WT1: variants seen among roughly 807,000 people sequenced by gnomAD.
WT1 encodes the protein WT1 transcription factor.
A neutral mutation model predicts 60.8 loss-of-function variants in WT1; 8 were observed. That is an observed-to-expected ratio of 0.13 (90% CI 0.08 to 0.24). The LOEUF (loss-of-function observed/expected upper bound fraction) is 0.24. Ranked by LOEUF, WT1 falls within the 10% of genes least tolerant of loss-of-function variation. The pLI is 1.00. For synonymous variants in WT1, 312 were observed against 297.1 expected (o/e 1.05, Z -0.52); for missense variants, 568 against 711.8 (o/e 0.80, Z 2.30).
chr11:32,430,403 A>C, intron 1 of WT1: 1 of 1,371,290 alleles, frequency 7.3e-7, no homozygotes, highest in Non-Finnish European at 9.9e-7. Flanking sequence ...AGGACACTAA[A>C]AAGAGAGAGA....
chr11:32,421,860 A>C (rs540045593), intron 3 of WT1, among the ~76,000 whole-genome samples: 12 of 152,368 alleles, frequency 7.9e-5, no homozygotes, highest in Admixed American at 5.9e-4. Context: ...GAATAGAACC[A>C]TCTAACCTGG....
chr11:32,396,573 T>A (rs542298033), intron 6 of WT1, among the ~76,000 whole-genome samples, 166 bp from the exon 7 acceptor site: 27 of 152,340 alleles, frequency 1.8e-4, no homozygotes, highest in African/African-American at 6.5e-4. Flanking sequence ...ACATCAGTAA[T>A]GGATGCTAGA....
chr11:32,397,358 C>T (rs950673125), intron 6 of WT1, among the ~76,000 whole-genome samples: 2 of 152,132 alleles, frequency 1.3e-5, no homozygotes, highest in African/African-American at 4.8e-5. Context: ...ATTCTGTTGT[C>T]CAGGCTGGAG....
intron 2 of WT1, 82 bp downstream of exon 2, chr11:32,428,415 G>A: frequency 6.2e-7 from 1 of 1,604,174 alleles, no homozygotes; most frequent in Non-Finnish European, 8.5e-7. Flanking sequence ...TGCCTAATTT[G>A]CTGTGGGTTA....
At chr11:32,433,856 A>G (rs1590407192) in intron 1 of WT1, among the ~76,000 whole-genome samples, 1 of 152,348 alleles carries the variant, frequency 6.6e-6, no homozygotes, top group South Asian at 2.1e-4. Flanking sequence ...GTCTTGAAGA[A>G]ATACTGTCCC....
chr11:32,433,485 T>C (rs1853377115), intron 1 of WT1, among the ~76,000 whole-genome samples: 1 of 152,178 alleles, frequency 6.6e-6, no homozygotes, highest in African/African-American at 2.4e-5. Flanking sequence ...TGGGCGAAGG[T>C]ACCTCCTGCA....
At chr11:32,392,143 T>C (rs1851836777) in intron 8 of WT1, 79 bp from the exon 9 acceptor site, 2 of 1,300,614 alleles carry the variant, frequency 1.5e-6, no homozygotes, top group Middle Eastern at 2.4e-4. Flanking sequence ...TTCCGGCAGC[T>C]GGAGGAGCCC....
At chr11:32,425,766 T>A (rs1055030265) in intron 3 of WT1, among the ~76,000 whole-genome samples, 3 of 152,166 alleles carry the variant, frequency 2.0e-5, no homozygotes, top group African/African-American at 7.2e-5. Flanking sequence ...TTTTATTGGA[T>A]TTGTGTAAAA....
Position 32,400,063 on chromosome 11 carries a change from G to T in WT1, c.1017-19C>A. 6.2e-7 allele frequency: 1 copy of T among 1,613,774 alleles called. No individual in the cohort carries two copies. The highest frequency in any genetic ancestry group is 1.3e-5 in the African/African-American group (1 of 75,030). The stretch of plus-strand genomic sequence containing the variant: ...GCTGTGGCTGCAAACACAAAGAAGG[G>T]AAAAAGGCTCAGTGTGGCTCACAGT... On this transcript the variant is annotated intron_variant, in intron 5 of 9. Coordinates refer to ENST00000452863, the MANE Select transcript of WT1 (RefSeq NM_024426.6).
In WT1 at chr11:32,417,559, G is replaced by A. The variant is rs1852715405; in HGVS notation, c.965+18C>T. The A allele has an allele frequency of 6.2e-7, 1 of 1,607,924 alleles. No individual in the cohort carries two copies. The highest frequency in any genetic ancestry group is 8.5e-7 in the Non-Finnish European group (1 of 1,174,462). Reference sequence around the variant, plus strand: ...TATAAGTTACTGTGGAAAGGCAATGGAATAGAGAAAACCTTACCCCTTTAA... The same window carrying A: ...TATAAGTTACTGTGGAAAGGCAATGAAATAGAGAAAACCTTACCCCTTTAA... On this transcript the variant is annotated intron_variant, in intron 4 of 9. Coordinates refer to ENST00000452863, the MANE Select transcript of WT1 (RefSeq NM_024426.6).
rs534939906 is a variant in WT1 at position 32,400,262 on chromosome 11, CGA to C, written c.1017-220_1017-219del. 58 of 629,186 alleles carry C rather than the reference CGA, an allele frequency of 9.2e-5. No individual in the cohort carries two copies. The African/African-American group carries it at 9.7e-4, about 11-fold the overall frequency. 39.0% of individuals were successfully genotyped at this position (629,186 alleles called of 1,614,324 possible). ...ACCTCGCAGCCCCTCCCTCATCCTC[CGA>C]TTCTCGTAGGCGTGCACCGTCACGG... On this transcript the variant is annotated intron_variant, in intron 5 of 9. Transcript: ENST00000452863.
chr11:32,433,330 G>A (rs764021983), intron 1 of WT1, among the ~76,000 whole-genome samples: 1 of 152,204 alleles, frequency 6.6e-6, no homozygotes, highest in African/African-American at 2.4e-5. Flanking sequence ...AGATTCTCCC[G>A]AAGAAAAGGG....
intron 2 of WT1, 141 bp downstream of exon 2, chr11:32,428,356 C>T: frequency 2.8e-6 from 4 of 1,427,874 alleles, no homozygotes; most frequent in Non-Finnish European, 3.8e-6. Context: ...CCTTTAAATA[C>T]AGTGCCATTG....
intron 7 of WT1, among the ~76,000 whole-genome samples, chr11:32,395,452 T>TA (rs1453350223): frequency 6.6e-6 from 1 of 150,854 alleles, no homozygotes; most frequent in Non-Finnish European, 1.5e-5. Context: ...TCTTCAAAGA[T>TA]AAAAAATCAT....
intron 1 of WT1, chr11:32,430,801 C>A: frequency 7.6e-7 from 1 of 1,310,796 alleles, no homozygotes; most frequent in Non-Finnish European, 9.7e-7. Flanking sequence ...CCGGGAGGGG[C>A]AGTGGTGAAA....
intron 3 of WT1, 85 bp downstream of exon 3, chr11:32,427,871 C>T (rs5030171): frequency 2.2e-6 from 3 of 1,362,538 alleles, no homozygotes; most frequent in Non-Finnish European, 3.0e-6. Context: ...CAGGGCTGCC[C>T]GGCTGGGGCG....
chr11:32,416,196 C>T (rs1852662965), intron 5 of WT1, among the ~76,000 whole-genome samples: 1 of 152,118 alleles, frequency 6.6e-6, no homozygotes, highest in Non-Finnish European at 1.5e-5. Context: ...GGTTGTAATG[C>T]CACAAATTTA....
At chr11:32,424,946 G>C (rs576635832) in intron 3 of WT1, among the ~76,000 whole-genome samples, 2 of 152,176 alleles carry the variant, frequency 1.3e-5, no homozygotes, top group African/African-American at 4.8e-5. Flanking sequence ...TCGAGGCCAA[G>C]GTGGGCAGAT....
In WT1 at chr11:32,428,478, C is replaced by T. The variant is rs1415644287; in HGVS notation, c.784+19G>A. On this transcript the variant is annotated intron_variant, in intron 2 of 9. Transcript: ENST00000452863. Reference sequence around the variant, plus strand: ...ACGGAAGAAGGGGAGAAGGACTCCACTTGGTTCCGCTCGCTTACCCAGCGA... The same window carrying T: ...ACGGAAGAAGGGGAGAAGGACTCCATTTGGTTCCGCTCGCTTACCCAGCGA... 6.2e-7 allele frequency: 1 copy of T among 1,613,986 alleles called. No individual in the cohort carries two copies. Among genetic ancestry groups the T allele is most frequent in the Admixed American group, 1.7e-5 (1 of 60,026 alleles).
Sources: allele counts gnomAD v4.1 joint callset (sites outside exome capture counted in the v4.1 genomes callset), GRCh38; gene constraint gnomAD v4.1.1; transcripts MANE v1.5; gene names NCBI Gene and HGNC (gene_info 2026-07-23, HGNC 2026-07-21).